RNF38: variants seen among roughly 807,000 people sequenced by gnomAD.
The protein encoded by RNF38 is ring finger protein 38.
RNF38 carries 15 observed loss-of-function variants against 67.2 expected under a neutral mutation model. That is an observed-to-expected ratio of 0.22 (90% CI 0.15 to 0.34). The LOEUF is 0.34. Among genes scored for constraint, RNF38 ranks in the 10% least tolerant of loss-of-function variants. The probability of loss-of-function intolerance (pLI) is 1.00; values close to 1 mark genes in which losing one functional copy is unlikely to be tolerated. For missense variants in RNF38, 524 were observed against 639.9 expected, an observed-to-expected ratio of 0.82 and a Z score of 1.95; for synonymous variants, 220 against 218.8, an observed-to-expected ratio of 1.01 and a Z score of -0.05.
At chr9:36,435,551 AAT>A (rs1169112657) in intron 1 of RNF38, among the ~76,000 whole-genome samples, 1 of 152,182 alleles carries the variant, frequency 6.6e-6, no homozygotes, top group African/African-American at 2.4e-5. Context: ...TTGAAAAAAC[AAT>A]AGTTAATGAT....
chr9:36,374,514 C>G (rs1835640389), intron 3 of RNF38, among the ~76,000 whole-genome samples: 1 of 152,126 alleles, frequency 6.6e-6, no homozygotes, highest in Non-Finnish European at 1.5e-5. Flanking sequence ...CTTGCTCTGT[C>G]TCCAGGCTGG....
rs893064408 is a variant in RNF38 at position 36,479,639 on chromosome 9, T to C, written n.241+7669A>G. Reference sequence around the variant, plus strand: ...GTGAGGAAGTTTTGACAACAAAAGCTATCATCCTAATTAACCAGTGGTTGG... The same window carrying C: ...GTGAGGAAGTTTTGACAACAAAAGCCATCATCCTAATTAACCAGTGGTTGG... On this transcript the variant is annotated intron_variant and non_coding_transcript_variant, in intron 1 of 3. Coordinates refer to the RNF38 transcript ENST00000488058. 5.4e-4 allele frequency among the ~76,000 whole-genome samples: 82 copies of C among 152,184 alleles called. 1 individual carries two copies. Among genetic ancestry groups the C allele is most frequent in the African/African-American group, 1.9e-3 (77 of 41,454 alleles).
intron 2 of RNF38, among the ~76,000 whole-genome samples, chr9:36,390,071 GTA>G (rs762740315): frequency 1.7e-4 from 26 of 152,158 alleles, no homozygotes; most frequent in Non-Finnish European, 2.5e-4. Context: ...TCTCAGAAAT[GTA>G]TGTTACTATC....
chr9:36,451,491 GTTTTTTTTTT>G (rs374396585), intron 1 of RNF38, among the ~76,000 whole-genome samples: 12 of 58,688 alleles, frequency 2.0e-4, no homozygotes, highest in East Asian at 7.4e-4. Context: ...AATTGTAGTA[GTTTTTTTTTT>G]TTTTTTTTTT....
chr9:36,477,752 G>C (rs1003331216), intron 1 of RNF38, among the ~76,000 whole-genome samples: 1 of 150,896 alleles, frequency 6.6e-6, no homozygotes, highest in Non-Finnish European at 1.5e-5. Flanking sequence ...AACCTGGGAG[G>C]TGGAGCTTGC....
chr9:36,429,202 A>G (rs12379206), intron 1 of RNF38, among the ~76,000 whole-genome samples: 28,405 of 152,176 alleles, frequency 0.19, 3,223 homozygotes, highest in Non-Finnish European at 0.26. Flanking sequence ...GTAAAAAAAG[A>G]ATGAAATGGA....
chr9:36,381,365 C>G (rs1484325016), intron 2 of RNF38, among the ~76,000 whole-genome samples: 1 of 152,084 alleles, frequency 6.6e-6, no homozygotes, highest in African/African-American at 2.4e-5. Flanking sequence ...TTGGCCTGGA[C>G]AGGAAGGAAG....
intron 1 of RNF38, among the ~76,000 whole-genome samples, chr9:36,443,486 T>G (rs1257101613): frequency 6.6e-6 from 1 of 152,314 alleles, no homozygotes; most frequent in East Asian, 1.9e-4. Context: ...AATTCTATCT[T>G]TATATTATTT....
In RNF38 at chr9:36,338,102, C is replaced by T. The variant is rs1026686894; in HGVS notation, c.*1650G>A. On this transcript the variant is annotated 3_prime_UTR_variant, in exon 12 of 12. Coordinates refer to ENST00000259605, the MANE Select transcript of RNF38 (RefSeq NM_022781.5). ...TATCACAGTCCTGACTGGAATAATGCAGCTTGTGCTATTGCAAACAAAGCA... is the reference window on the plus strand; with the variant it reads ...TATCACAGTCCTGACTGGAATAATGTAGCTTGTGCTATTGCAAACAAAGCA... The T allele has an allele frequency of 2.6e-5, 4 of 152,578 alleles. No homozygotes were observed. The highest frequency in any genetic ancestry group is 9.6e-5 in the African/African-American group (4 of 41,460). 9.5% of individuals were successfully genotyped at this position (152,578 alleles called of 1,614,324 possible).
At chr9:36,340,914 C>T (rs536503347) in intron 11 of RNF38, among the ~76,000 whole-genome samples, 1 of 152,160 alleles carries the variant, frequency 6.6e-6, no homozygotes, top group South Asian at 2.1e-4. Context: ...AGCACATAAT[C>T]TTATTTCTGC....
intron 3 of RNF38, 79 bp from the exon 4 acceptor site, chr9:36,370,011 A>C: frequency 8.7e-7 from 1 of 1,145,464 alleles, no homozygotes; most frequent in Non-Finnish European, 1.2e-6. Context: ...TTTGATATCT[A>C]TCAATAGTAT....
At chr9:36,359,720 C>T (rs950195323) in intron 4 of RNF38, among the ~76,000 whole-genome samples, 1 of 145,020 alleles carries the variant, frequency 6.9e-6, no homozygotes, top group African/African-American at 2.6e-5. Context: ...TTACAAAGGA[C>T]TGAATTTTAT....
chr9:36,446,327 T>C (rs529160804), intron 1 of RNF38, among the ~76,000 whole-genome samples: 1 of 152,304 alleles, frequency 6.6e-6, no homozygotes, highest in African/African-American at 2.4e-5. Flanking sequence ...CAGCAAGGCT[T>C]CTCCCAACAA....
At position 36,379,086 on chromosome 9, in the gene RNF38, G is replaced by C. The variant is rs148624479; in HGVS notation, c.163-2959C>G. On this transcript the variant is annotated intron_variant, in intron 2 of 11. Transcript: ENST00000259605. ...TGGCTAATTTCATATTTTTAGTAGA[G>C]ATGGGGTTTCTCTGTGTTGGTCAGG... is the stretch of plus-strand genomic sequence containing the variant. Among the ~76,000 whole-genome samples the C allele has an allele frequency of 6.6e-4, 101 of 152,206 alleles. 2 individuals are homozygous for C. In the East Asian group the frequency reaches 0.015, roughly 22 times the overall value.
chr9:36,478,327 C>G (rs1587215104), intron 1 of RNF38, among the ~76,000 whole-genome samples: 1 of 143,976 alleles, frequency 6.9e-6, no homozygotes, highest in South Asian at 2.2e-4. Flanking sequence ...TGGCGTGAAC[C>G]TGGGAGGCGG....
intron 2 of RNF38, among the ~76,000 whole-genome samples, chr9:36,382,756 T>A (rs1836304310): frequency 6.6e-6 from 1 of 152,226 alleles, no homozygotes; most frequent in African/African-American, 2.4e-5. Flanking sequence ...GTCCTCTTTC[T>A]AATCAGTCAG....
At chr9:36,400,982 T>C (rs1837993011), upstream of RNF38, 1 of 979,910 alleles carries the variant, frequency 1.0e-6, no homozygotes, top group African/African-American at 1.8e-5. Context: ...GCCGGCGCAC[T>C]GGCCTCCGCT....
intron 1 of RNF38, among the ~76,000 whole-genome samples, chr9:36,470,433 G>C (rs532277902): frequency 1.3e-5 from 2 of 152,220 alleles, no homozygotes; most frequent in East Asian, 3.9e-4. Context: ...CTTTGAATAT[G>C]AATCTATCAC....
rs1266213862 is a variant in RNF38, at chr9:36,421,595, G to A, written n.312+3018C>T. Reference sequence around the variant, plus strand: ...GGAGAATCACTTGAACCCGGGAGGCGGAGGTTGCAGTGAGCCAAGATCACA... The same window carrying A: ...GGAGAATCACTTGAACCCGGGAGGCAGAGGTTGCAGTGAGCCAAGATCACA... On this transcript the variant is annotated intron_variant and non_coding_transcript_variant, in intron 2 of 3. Coordinates refer to the RNF38 transcript ENST00000488058. 8.5e-5 allele frequency among the ~76,000 whole-genome samples: 13 copies of A among 152,148 alleles called. No homozygotes were observed. In the South Asian group the frequency reaches 2.3e-3, roughly 27 times the overall value.
Sources: allele counts gnomAD v4.1 joint callset (sites outside exome capture counted in the v4.1 genomes callset), GRCh38; gene constraint gnomAD v4.1.1; transcripts MANE v1.5; gene names NCBI Gene and HGNC (gene_info 2026-07-23, HGNC 2026-07-21).